Variants in TUBB4A observed in about 807,000 individuals in gnomAD.
TUBB4A encodes the protein tubulin beta-4A chain.
Under a neutral mutation model 35.1 loss-of-function variants are expected in TUBB4A, and 13 were observed. That is an observed-to-expected ratio of 0.37 (90% CI 0.24 to 0.59). The LOEUF is 0.59. TUBB4A is among the 20% of genes least tolerant of loss of function. TUBB4A has a pLI of 0.71. For missense variants in TUBB4A, 299 were observed against 647.2 expected (o/e 0.46, Z 5.84); for synonymous variants, 279 against 272.4 (o/e 1.02, Z -0.24).
At chr19:6,497,058 T>TATATATAA (rs1914277162) in intron 3 of TUBB4A, among the ~76,000 whole-genome samples, 1 of 71,682 alleles carries the variant, frequency 1.4e-5, no homozygotes, top group Non-Finnish European at 2.5e-5. Context: ...TATATATATA[T>TATATATAA]ATATATAAAT....
chr19:6,496,023 A>G lies in TUBB4A; in HGVS notation c.476T>C (p.Phe159Ser). Residue 159 changes from phenylalanine (F) to serine (S), a missense_variant, in exon 4 of 4, where the codon TTC becomes TCC. Coordinates refer to ENST00000264071, the MANE Select transcript of TUBB4A (RefSeq NM_006087.4). ...TLLISKIREE[F>S]PDRIMNTFSV... is the part of the protein sequence containing the mutation. ...GAAGGTGTTCATGATGCGGTCTGGG[A>G]ACTCCTCGCGGATCTTACTGATGAG... 6.2e-7 allele frequency: 1 copy of G among 1,614,162 alleles called. No individual in the cohort carries two copies. Among genetic ancestry groups the G allele is most frequent in the Non-Finnish European group, 8.5e-7 (1 of 1,180,032 alleles).
At chr19:6,502,421 G>GT (rs1254075757), upstream of TUBB4A, 4 of 550,484 alleles carry the variant, frequency 7.3e-6, no homozygotes, top group African/African-American at 4.1e-5. Flanking sequence ...GGGGGCTGGG[G>GT]TGGGGGGAGG....
In TUBB4A at chr19:6,501,038, T is replaced by G; in HGVS notation, c.277+249A>C. 2.0e-6 allele frequency: 1 copy of G among 497,732 alleles called. No individual in the cohort carries two copies. Among genetic ancestry groups the G allele is most frequent in the Admixed American group, 3.6e-5 (1 of 27,738 alleles). 30.8% of individuals were successfully genotyped at this position (497,732 alleles called of 1,614,324 possible). On this transcript the variant is annotated intron_variant, in intron 3 of 3. Transcript: ENST00000264071. The surrounding 1 kb of genome is among the most constrained non-coding windows in gnomAD (Gnocchi z 4.2). Reference sequence around the variant, plus strand: ...TGCACCCAGGCAGTCTGGTTCCGGTTCAGACCGTTGAATTAAAATGCCACC... The same window carrying G: ...TGCACCCAGGCAGTCTGGTTCCGGTGCAGACCGTTGAATTAAAATGCCACC...
chr19:6,502,496 C>T (rs982947348), upstream of TUBB4A: 2 of 426,266 alleles, frequency 4.7e-6, no homozygotes, highest in Admixed American at 9.4e-5. Flanking sequence ...GTGCTCCGAC[C>T]CCTGCCTTGG....
chr19:6,496,303 C>T (rs1250841090), intron 3 of TUBB4A, 82 bp from the exon 4 acceptor site: 1 of 1,330,348 alleles, frequency 7.5e-7, no homozygotes, highest in Non-Finnish European at 1.0e-6. Flanking sequence ...ACCTGGAGGG[C>T]CTCTAGTAGT....
rs1313517709 is a variant in TUBB4A, at chr19:6,501,252, T to G, written c.277+35A>C. On this transcript the variant is annotated intron_variant, in intron 3 of 3. Transcript: ENST00000264071. The surrounding 1 kb of genome is among the most constrained non-coding windows in gnomAD (Gnocchi z 4.2). The stretch of plus-strand genomic sequence containing the variant: ...TGTGGTGTTAGCAGGAATAAGGAGG[T>G]TTTCCAGCCTCTGGCTCCCTGCTGG... The G allele has an allele frequency of 6.3e-7, 1 of 1,577,602 alleles. No individual in the cohort carries two copies. Among genetic ancestry groups the G allele is most frequent in the Non-Finnish European group, 8.7e-7 (1 of 1,154,056 alleles).
chr19:6,495,052 GC>G lies in TUBB4A; in HGVS notation c.*111del, dbSNP rs1191612861. ...AGCTCCAAAGGTATTGTTAGGGTCA[GC>G]GGGGAGTCAGCCTTGGAGGGAAAGC... On this transcript the variant is annotated 3_prime_UTR_variant, in exon 4 of 4. Transcript: ENST00000264071. The surrounding 1 kb of genome is among the most constrained non-coding windows in gnomAD (Gnocchi z 8.7). 13 of 1,304,688 alleles carry G rather than the reference GC, an allele frequency of 1.0e-5. No individual in the cohort carries two copies. The highest frequency in any genetic ancestry group is 4.4e-5 in the African/African-American group (3 of 67,918). 80.8% of individuals were successfully genotyped at this position (1,304,688 alleles called of 1,614,324 possible).
intron 3 of TUBB4A, among the ~76,000 whole-genome samples, chr19:6,497,024 A>AAAAAAT (rs1568410509): frequency 4.5e-5 from 1 of 22,004 alleles, no homozygotes; most frequent in Admixed American, 1.1e-3. Flanking sequence ...AAAAAAAAAA[A>AAAAAAT]ATATATATAT....
chr19:6,501,491 T>C lies in TUBB4A; in HGVS notation c.166+24A>G. 1.2e-6 allele frequency: 2 copies of C among 1,609,050 alleles called. No homozygotes were observed. Among genetic ancestry groups the C allele is most frequent in the Non-Finnish European group, 1.7e-6 (2 of 1,176,210 alleles). ...TCCCTCCCAGCTGCCCCTTCCCACC[T>C]GGAAGGTGCCTCCTTCGCCCTACCT... On this transcript the variant is annotated intron_variant, in intron 2 of 3. Transcript: ENST00000264071. This position sits in a 1 kb window ranked among gnomAD's most constrained non-coding sequence, Gnocchi z 4.2.
rs779786444 is a variant in TUBB4A, at chr19:6,501,441, C to A, written c.167-44G>T. The A allele has an allele frequency of 1.2e-6, 2 of 1,603,738 alleles. No individual in the cohort carries two copies. Among genetic ancestry groups the A allele is most frequent in the Non-Finnish European group, 1.7e-6 (2 of 1,172,368 alleles). On this transcript the variant is annotated intron_variant, in intron 2 of 3. Transcript: ENST00000264071. The surrounding 1 kb of genome is among the most constrained non-coding windows in gnomAD (Gnocchi z 4.2). ...AGGGCAGTTCGATGCGTGCCAGGAACCACAGGCGCCCGGTAGCATCCTGTT... is the reference window on the plus strand; with the variant it reads ...AGGGCAGTTCGATGCGTGCCAGGAAACACAGGCGCCCGGTAGCATCCTGTT...
Position 6,495,102 on chromosome 19 carries a change from G to C in TUBB4A, c.*62C>G. 6.3e-7 allele frequency: 1 copy of C among 1,583,038 alleles called. No homozygotes were observed. The highest frequency in any genetic ancestry group is 1.3e-5 in the African/African-American group (1 of 74,334). On this transcript the variant is annotated 3_prime_UTR_variant, in exon 4 of 4. Transcript: ENST00000264071. The surrounding 1 kb of genome is among the most constrained non-coding windows in gnomAD (Gnocchi z 8.7). Reference sequence around the variant, plus strand: ...GCGGGGCTCTAGGGTTCAGAGATGGGGGGCCTAGCGGATCAAAGGTCAGAA... The same window carrying C: ...GCGGGGCTCTAGGGTTCAGAGATGGCGGGCCTAGCGGATCAAAGGTCAGAA...
upstream of TUBB4A, chr19:6,502,350 G>T: frequency 1.0e-6 from 1 of 983,388 alleles, no homozygotes; most frequent in Non-Finnish European, 1.4e-6. Flanking sequence ...AGCGGGCGGG[G>T]CACGCGTCAC....
At position 6,501,445 on chromosome 19, in the gene TUBB4A, A is replaced by G; in HGVS notation, c.167-48T>C. The G allele has an allele frequency of 6.2e-7, 1 of 1,603,286 alleles. No individual in the cohort carries two copies. The highest frequency in any genetic ancestry group is 1.1e-5 in the South Asian group (1 of 90,480). On this transcript the variant is annotated intron_variant, in intron 2 of 3. Coordinates refer to ENST00000264071, the MANE Select transcript of TUBB4A (RefSeq NM_006087.4). This position sits in a 1 kb window ranked among gnomAD's most constrained non-coding sequence, Gnocchi z 4.2. ...CAGTTCGATGCGTGCCAGGAACCAC[A>G]GGCGCCCGGTAGCATCCTGTTCCCT...
At chr19:6,497,047 ATATATATATATATATAT>A in intron 3 of TUBB4A, among the ~76,000 whole-genome samples, 2 of 83,492 alleles carry the variant, frequency 2.4e-5, no homozygotes, top group Non-Finnish European at 4.6e-5. Context: ...ATATATATAT[ATATATATATATATATAT>A]AAATTAGCCA....
Position 6,501,759 on chromosome 19 carries a change from T to C in TUBB4A, c.58-136A>G. 1.4e-6 allele frequency: 1 copy of C among 702,728 alleles called. No homozygotes were observed. The highest frequency in any genetic ancestry group is 2.4e-6 in the Non-Finnish European group (1 of 416,942). The allele number at this position is 702,728 out of a possible 1,614,324, so 43.5% of individuals were successfully genotyped here. ...GTGAACGGGGGACCTAGAGGCATGG[T>C]GTCGGGGCGAGGATGAGGCAGCAAG... On this transcript the variant is annotated intron_variant, in intron 1 of 3. Transcript: ENST00000264071. This position sits in a 1 kb window ranked among gnomAD's most constrained non-coding sequence, Gnocchi z 4.2.
At chr19:6,497,060 T>TATATATATATAA (rs1172775345) in intron 3 of TUBB4A, among the ~76,000 whole-genome samples, 1 of 75,128 alleles carries the variant, frequency 1.3e-5, no homozygotes, top group Non-Finnish European at 2.4e-5. Flanking sequence ...TATATATATA[T>TATATATATATAA]ATATAAATTA....
intron 3 of TUBB4A, among the ~76,000 whole-genome samples, chr19:6,499,341 T>A (rs1914422236): frequency 6.6e-6 from 1 of 150,952 alleles, no homozygotes; most frequent in African/African-American, 2.4e-5. Flanking sequence ...TCAGACCCTC[T>A]CCTCTGGCTC....
chr19:6,495,024 G>T lies in TUBB4A; in HGVS notation c.*140C>A. 3.9e-6 allele frequency: 4 copies of T among 1,020,838 alleles called. No individual in the cohort carries two copies. Among genetic ancestry groups the T allele is most frequent in the Non-Finnish European group, 2.8e-6 (2 of 704,012 alleles). 63.2% of individuals were successfully genotyped at this position (1,020,838 alleles called of 1,614,324 possible). A position where few individuals can be genotyped will look rare whatever the true frequency, so the allele number is the denominator to read the frequency against. ...CGGAGATGAAGTAGCCAGAGGTAAA[G>T]CGAGCTCCAAAGGTATTGTTAGGGT... On this transcript the variant is annotated 3_prime_UTR_variant, in exon 4 of 4. Coordinates refer to ENST00000264071, the MANE Select transcript of TUBB4A (RefSeq NM_006087.4). The surrounding 1 kb of genome is among the most constrained non-coding windows in gnomAD (Gnocchi z 8.7).
rs891730470 is a variant in TUBB4A, at chr19:6,494,986, G to C, written c.*178C>G. The C allele has an allele frequency of 4.1e-6, 3 of 730,648 alleles. No individual in the cohort carries two copies. The African/African-American group carries it at 5.3e-5, about 13-fold the overall frequency. 45.3% of individuals were successfully genotyped at this position (730,648 alleles called of 1,614,324 possible). ...GGTTAAAGATAAATTAGGGCTCAAA[G>C]GGGAGCCAGGGTCGGAGATGAAGTA... On this transcript the variant is annotated 3_prime_UTR_variant, in exon 4 of 4. Transcript: ENST00000264071.
Sources: allele counts gnomAD v4.1 joint callset (sites outside exome capture counted in the v4.1 genomes callset), GRCh38; gene constraint gnomAD v4.1.1; non-coding constraint Gnocchi (gnomAD v3.1); transcripts MANE v1.5; gene names NCBI Gene and HGNC (gene_info 2026-07-23, HGNC 2026-07-21).